The following ITPR2 variants were observed in gnomAD, a reference collection of about 807,000 sequenced individuals.
The protein encoded by ITPR2 is inositol 1,4,5-trisphosphate receptor type 2.
Under a neutral mutation model 317.1 loss-of-function variants are expected in ITPR2, and 207 were observed. The ratio of observed to expected loss-of-function variants is 0.65; its 90% CI spans 0.58 to 0.73. The LOEUF is 0.73. Among genes scored for constraint, ITPR2 ranks in the 30% least tolerant of loss-of-function variants. The probability of loss-of-function intolerance (pLI) is 0.00; values close to 1 mark genes in which losing one functional copy is unlikely to be tolerated. For synonymous variants in ITPR2, 1,156 were observed against 1,149.1 expected (o/e 1.01, Z -0.12); for missense variants, 2,613 against 3,284.0 (o/e 0.80, Z 4.99).
At chr12:26,737,779 C>G (rs1565728894) in intron 2 of ITPR2, among the ~76,000 whole-genome samples, 1 of 152,148 alleles carries the variant, frequency 6.6e-6, no homozygotes, top group Non-Finnish European at 1.5e-5. Flanking sequence ...TCAAAATGCT[C>G]AAAGTTAAAG....
chr12:26,411,335 G>C lies in ITPR2; in HGVS notation c.7384C>G (p.Pro2462Ala). Residue 2462 changes from proline (P) to alanine (A), a missense_variant, in exon 52 of 57, where the codon CCA becomes GCA. Pro to Ala is a conservative substitution (Grantham distance 27). Around this residue, in one of 9 missense-constraint regions of ITPR2, gnomAD observed 113 missense variants for 129.2 expected, o/e 0.87. Transcript: ENST00000381340. The part of the protein sequence containing the change: ...CAKENCSPTI[P>A]ASNTADEEYE... The stretch of plus-strand genomic sequence containing the variant: ...TTCTACAAACCTGTATTTGAAGCTG[G>C]AATTGTGGGTGAACAGTTCTCCTTG... 1.9e-6 allele frequency: 3 copies of C among 1,613,140 alleles called. No homozygotes were observed. The highest frequency in any genetic ancestry group is 1.7e-4 in the Middle Eastern group (1 of 6,056).
At chr12:26,446,008 G>C (rs575257865) in intron 45 of ITPR2, among the ~76,000 whole-genome samples, 1 of 152,236 alleles carries the variant, frequency 6.6e-6, no homozygotes, top group East Asian at 1.9e-4. Context: ...CACCCTTAGA[G>C]ACAGCAGGGA....
intron 55 of ITPR2, 133 bp downstream of exon 55, chr12:26,387,301 T>C: frequency 1.2e-6 from 1 of 831,762 alleles, no homozygotes; most frequent in South Asian, 1.8e-5. Context: ...TCTTCAGTGA[T>C]TGACAGGCCT....
chr12:26,686,118 T>C (rs937550682), intron 11 of ITPR2, among the ~76,000 whole-genome samples: 3 of 152,158 alleles, frequency 2.0e-5, no homozygotes, highest in Admixed American at 6.5e-5. Flanking sequence ...ATTGACTACA[T>C]AAATGAACAA....
intron 2 of ITPR2, among the ~76,000 whole-genome samples, chr12:26,738,148 T>C (rs1269348248): frequency 6.6e-6 from 1 of 152,218 alleles, no homozygotes; most frequent in Admixed American, 6.5e-5. Flanking sequence ...AGTATTACTA[T>C]TGTTCCCATG....
chr12:26,663,610 C>T lies in ITPR2; in HGVS notation c.1713+75G>A. 6 of 1,299,606 alleles carry T rather than the reference C, an allele frequency of 4.6e-6. No individual in the cohort carries two copies. In the Admixed American group the frequency reaches 7.7e-5, roughly 17 times the overall value. 80.5% of individuals were successfully genotyped at this position (1,299,606 alleles called of 1,614,324 possible). A position where few individuals can be genotyped will look rare whatever the true frequency, so the allele number is the denominator to read the frequency against. ...AAATTTCCCATTCCTACTTTCTATG[C>T]TGTAGAATTATAACCAAAGAACCTT... On this transcript the variant is annotated intron_variant, in intron 15 of 56. Transcript: ENST00000381340.
chr12:26,521,495 T>C (rs866109218), intron 37 of ITPR2, among the ~76,000 whole-genome samples: 9 of 152,204 alleles, frequency 5.9e-5, no homozygotes, highest in Admixed American at 1.3e-4. Flanking sequence ...ATTCATTATA[T>C]GCAGTCAGGG....
rs562008819 is a variant in ITPR2, at chr12:26,561,624, T to C, written c.4821+138A>G. ...GAAGCTATATGTTTAAAAAGAGCAGTGGTAGTAGAGAGTTGTAAAGCAAGG... is the reference window on the plus strand; with the variant it reads ...GAAGCTATATGTTTAAAAAGAGCAGCGGTAGTAGAGAGTTGTAAAGCAAGG... On this transcript the variant is annotated intron_variant, in intron 35 of 56. Coordinates refer to ENST00000381340, the MANE Select transcript of ITPR2 (RefSeq NM_002223.4). 72 of 608,958 alleles carry C rather than the reference T, an allele frequency of 1.2e-4. 1 individual carries two copies. The highest frequency in any genetic ancestry group is 1.8e-4 in the Non-Finnish European group (67 of 373,306). The allele number at this position is 608,958 out of a possible 1,614,324, so 37.7% of individuals were successfully genotyped here.
chr12:26,607,091 T>A (rs1490856279), intron 26 of ITPR2, among the ~76,000 whole-genome samples: 2 of 152,218 alleles, frequency 1.3e-5, no homozygotes, highest in Non-Finnish European at 2.9e-5. Flanking sequence ...GCATGCCTTC[T>A]ATTTATCCCT....
chr12:26,733,877 T>C (rs2137067664), intron 2 of ITPR2, among the ~76,000 whole-genome samples: 1 of 152,282 alleles, frequency 6.6e-6, no homozygotes, highest in Middle Eastern at 3.4e-3. Flanking sequence ...AGCTGACTGA[T>C]TCAGAAATCA....
intron 30 of ITPR2, among the ~76,000 whole-genome samples, chr12:26,598,647 C>T (rs1565630452): frequency 6.6e-6 from 1 of 152,022 alleles, no homozygotes; most frequent in Non-Finnish European, 1.5e-5. Flanking sequence ...TTGTAACTTA[C>T]TCTAAGTAGT....
chr12:26,383,862 T>C (rs1254870470), intron 55 of ITPR2, among the ~76,000 whole-genome samples: 1 of 152,076 alleles, frequency 6.6e-6, no homozygotes. Flanking sequence ...AAGGTACAAA[T>C]CAGATTTACA....
chr12:26,391,145 G>A (rs1180524840), intron 54 of ITPR2, among the ~76,000 whole-genome samples: 2 of 152,148 alleles, frequency 1.3e-5, no homozygotes, highest in African/African-American at 4.8e-5. Context: ...AATTTTTATT[G>A]AGCATCTATT....
intron 37 of ITPR2, among the ~76,000 whole-genome samples, chr12:26,504,309 C>T (rs1943138057): frequency 6.6e-6 from 1 of 152,142 alleles, no homozygotes; most frequent in African/African-American, 2.4e-5. Flanking sequence ...TCTCCATATC[C>T]ACAGGATGCC....
intron 52 of ITPR2, among the ~76,000 whole-genome samples, chr12:26,407,814 G>C (rs1031082107): frequency 6.6e-6 from 1 of 152,160 alleles, no homozygotes; most frequent in African/African-American, 2.4e-5. Flanking sequence ...AGGATAACTA[G>C]TAGTATCTAT....
At chr12:26,344,100 T>A (rs1591949312) in intron 55 of ITPR2, among the ~76,000 whole-genome samples, 1 of 152,082 alleles carries the variant, frequency 6.6e-6, no homozygotes, top group East Asian at 1.9e-4. Context: ...TTCCATCCTA[T>A]GATGATGCAG....
At chr12:26,418,402 C>G (rs544343041) in intron 50 of ITPR2, among the ~76,000 whole-genome samples, 7 of 152,088 alleles carry the variant, frequency 4.6e-5, no homozygotes, top group Non-Finnish European at 7.4e-5. Flanking sequence ...TATATTGACT[C>G]CTCTCCTGGT....
chr12:26,567,388 C>T (rs1591909425), intron 34 of ITPR2, among the ~76,000 whole-genome samples: 2 of 152,140 alleles, frequency 1.3e-5, no homozygotes, highest in African/African-American at 2.4e-5. Flanking sequence ...GGAGACTCCA[C>T]GATCCCAAAC....
chr12:26,490,485 C>T (rs921699769), intron 39 of ITPR2, among the ~76,000 whole-genome samples: 1 of 152,182 alleles, frequency 6.6e-6, no homozygotes, highest in Non-Finnish European at 1.5e-5. Context: ...ATTTACTAGA[C>T]GAAGCCTGAT....
Sources: gnomAD v4.1 joint callset for allele counts (sites outside exome capture counted in the v4.1 genomes callset) on GRCh38, gnomAD v4.1.1 for gene constraint, gnomAD v4.1.1 regional missense constraint, MANE v1.5 for transcripts, NCBI Gene and HGNC (gene_info 2026-07-23, HGNC 2026-07-21) for gene names.